Variants in ANKS1B observed in about 807,000 individuals in gnomAD.
ANKS1B encodes ankyrin repeat and sterile alpha motif domain-containing protein 1B.
A neutral mutation model predicts 148.3 loss-of-function variants in ANKS1B; 36 were observed. That is an observed-to-expected ratio of 0.24 (90% CI 0.19 to 0.32). The LOEUF (loss-of-function observed/expected upper bound fraction) is 0.32. Ranked by LOEUF, ANKS1B falls within the 10% of genes least tolerant of loss-of-function variation. ANKS1B has a pLI of 1.00. For synonymous variants in ANKS1B, 542 were observed against 560.8 expected (o/e 0.97, Z 0.47); for missense variants, 1,157 against 1,542.6 (o/e 0.75, Z 4.19).
intron 25 of ANKS1B, among the ~76,000 whole-genome samples, chr12:98,756,424 C>G (rs1196270333): frequency 6.6e-6 from 1 of 152,038 alleles, no homozygotes; most frequent in East Asian, 1.9e-4. Context: ...TTATAAATTA[C>G]CCAGTCTCGG....
rs563595760 is a variant in ANKS1B, at chr12:99,930,669, C to T, written c.134+53435G>A. Among the ~76,000 whole-genome samples, 14 of 152,054 alleles carry T rather than the reference C, an allele frequency of 9.2e-5. No individual in the cohort carries two copies. The South Asian group carries it at 2.3e-3, about 25-fold the overall frequency. ...TACCATCTCACACCAGTTAGAATGG[C>T]GATCATTAAAAAGTCAGGAAACAAC... On this transcript the variant is annotated intron_variant, in intron 1 of 26. Coordinates refer to ENST00000683438, the MANE Select transcript of ANKS1B (RefSeq NM_001352186.2).
chr12:99,308,637 T>C (rs1339992286), intron 12 of ANKS1B, among the ~76,000 whole-genome samples: 1 of 151,896 alleles, frequency 6.6e-6, no homozygotes, highest in Non-Finnish European at 1.5e-5. Flanking sequence ...TAGAATATGC[T>C]TGTTAAGATC....
intron 15 of ANKS1B, among the ~76,000 whole-genome samples, chr12:99,100,926 T>C (rs2057773170): frequency 6.6e-6 from 1 of 152,226 alleles, no homozygotes; most frequent in South Asian, 2.1e-4. Context: ...AAAGACATTT[T>C]GGGAAGCGGA....
chr12:99,605,175 CACA>C (rs1043286785), intron 9 of ANKS1B, among the ~76,000 whole-genome samples: 48 of 152,104 alleles, frequency 3.2e-4, no homozygotes, highest in East Asian at 5.8e-4. Flanking sequence ...GCTTTGACCA[CACA>C]ACATTTTCAT....
At chr12:99,139,440 T>TCTTTCTTTC (rs2069664086) in intron 15 of ANKS1B, among the ~76,000 whole-genome samples, 1 of 4,742 alleles carries the variant, frequency 2.1e-4, no homozygotes, top group Non-Finnish European at 2.9e-4. Flanking sequence ...CTTTCTTTCT[T>TCTTTCTTTC]TTTCTTTCTT....
intron 14 of ANKS1B, among the ~76,000 whole-genome samples, chr12:99,172,387 G>T (rs1027152872): frequency 1.3e-5 from 2 of 152,170 alleles, no homozygotes; most frequent in Non-Finnish European, 2.9e-5. Flanking sequence ...AAAGAAACTG[G>T]AAGTGGAAAG....
intron 14 of ANKS1B, among the ~76,000 whole-genome samples, chr12:99,157,709 T>G (rs1017916676): frequency 3.3e-5 from 5 of 152,100 alleles, no homozygotes; most frequent in Non-Finnish European, 5.9e-5. Context: ...ATGGGTACAG[T>G]GTACACTATT....
In ANKS1B at chr12:99,879,054, A is replaced by C. The variant is rs1412668036; in HGVS notation, c.135-53665T>G. 3.9e-5 allele frequency among the ~76,000 whole-genome samples: 6 copies of C among 152,206 alleles called. No individual in the cohort carries two copies. In the East Asian group the frequency reaches 1.2e-3, roughly 29 times the overall value. On this transcript the variant is annotated intron_variant, in intron 1 of 26. Transcript: ENST00000683438. ...GTGTCATATCTAAGAATGAGGTACT[A>C]GAAGGGTGACTAGAAGCTGCGTGCA...
chr12:99,192,568 A>G (rs554456425), intron 14 of ANKS1B, among the ~76,000 whole-genome samples: 8 of 152,184 alleles, frequency 5.3e-5, no homozygotes, highest in Admixed American at 1.3e-4. Flanking sequence ...CATTTTAGAG[A>G]TATAAAAGGG....
At chr12:99,483,475 C>A (rs2096444414) in intron 10 of ANKS1B, among the ~76,000 whole-genome samples, 1 of 151,536 alleles carries the variant, frequency 6.6e-6, no homozygotes, top group South Asian at 2.1e-4. Flanking sequence ...TTGTTGTGTC[C>A]TTCCTGGTTT....
intron 17 of ANKS1B, among the ~76,000 whole-genome samples, chr12:99,032,512 C>A (rs1242360647): frequency 6.6e-6 from 1 of 152,144 alleles, no homozygotes; most frequent in Non-Finnish European, 1.5e-5. Flanking sequence ...TTCCTCTTCT[C>A]TTTTGTCTGT....
At chr12:99,477,205 G>A (rs1219519682) in intron 10 of ANKS1B, among the ~76,000 whole-genome samples, 3 of 152,108 alleles carry the variant, frequency 2.0e-5, no homozygotes, top group African/African-American at 7.2e-5. Flanking sequence ...TTAAACAAAG[G>A]CATAAATACC....
intron 12 of ANKS1B, among the ~76,000 whole-genome samples, chr12:99,283,545 C>A (rs1427850698): frequency 1.3e-5 from 2 of 152,136 alleles, no homozygotes; most frequent in South Asian, 2.1e-4. Flanking sequence ...TATCACCTGG[C>A]AGGAGTGTAT....
chr12:98,752,529 T>C (rs1019770994), intron 25 of ANKS1B, among the ~76,000 whole-genome samples: 5 of 152,088 alleles, frequency 3.3e-5, no homozygotes, highest in Admixed American at 3.3e-4. Flanking sequence ...AGTGCTGGGA[T>C]TGCAGGAGTG....
chr12:99,659,072 C>A (rs547637806), intron 8 of ANKS1B, among the ~76,000 whole-genome samples: 1 of 152,156 alleles, frequency 6.6e-6, no homozygotes, highest in East Asian at 1.9e-4. Flanking sequence ...TCACAAATAT[C>A]AAGATTGCCA....
intron 1 of ANKS1B, among the ~76,000 whole-genome samples, chr12:99,938,811 C>T (rs535105867): frequency 1.3e-5 from 2 of 152,274 alleles, no homozygotes; most frequent in Non-Finnish European, 2.9e-5. Context: ...AGAGTAAGGA[C>T]CTTCCATTTC....
intron 22 of ANKS1B, among the ~76,000 whole-genome samples, chr12:98,787,429 C>T (rs1015330972): frequency 6.6e-6 from 1 of 152,186 alleles, no homozygotes; most frequent in Non-Finnish European, 1.5e-5. Context: ...CTGCCCACAC[C>T]TTTCTTGATT....
At chr12:99,614,280 C>A (rs576885443) in intron 9 of ANKS1B, among the ~76,000 whole-genome samples, 46 of 151,928 alleles carry the variant, frequency 3.0e-4, no homozygotes, top group African/African-American at 9.9e-4. Context: ...ACCAAAAATA[C>A]AAAAATTAGC....
At chr12:98,821,495 GTCTGTCTCTCTCTC>G (rs368844216) in intron 19 of ANKS1B, among the ~76,000 whole-genome samples, 3,709 of 152,220 alleles carry the variant, frequency 0.024, 86 homozygotes, top group East Asian at 0.09. Flanking sequence ...CTGTCTGTCT[GTCTGTCTCTCTCTC>G]TCTGTCTCTC....
Sources: allele counts gnomAD v4.1 joint callset (sites outside exome capture counted in the v4.1 genomes callset), GRCh38; gene constraint gnomAD v4.1.1; transcripts MANE v1.5; gene names NCBI Gene and HGNC (gene_info 2026-07-23, HGNC 2026-07-21).